The following SEPTIN7 variants were observed in gnomAD, a reference collection of about 807,000 sequenced individuals.
SEPTIN7 encodes the protein septin 7.
In SEPTIN7, 10 loss-of-function variants were observed where a neutral mutation model predicts 63.3. That is an observed-to-expected ratio of 0.16 (90% CI 0.10 to 0.27). SEPTIN7 has a LOEUF of 0.27. Among genes scored for constraint, SEPTIN7 ranks in the 10% least tolerant of loss-of-function variants. The probability of loss-of-function intolerance (pLI) is 1.00; values close to 1 mark genes in which losing one functional copy is unlikely to be tolerated. For synonymous variants in SEPTIN7, 131 were observed against 165.3 expected (o/e 0.79, Z 1.59); for missense variants, 310 against 521.0 (o/e 0.59, Z 3.94).
intron 12 of SEPTIN7, chr7:35,899,291 T>G (rs1176754354): frequency 6.6e-6 from 1 of 152,152 alleles, no homozygotes; most frequent in Non-Finnish European, 1.5e-5. Context: ...CGCCAGCACT[T>G]TGGGAGGCTG....
intron 9 of SEPTIN7, 75 bp from the exon 10 acceptor site, chr7:35,885,753 G>A (rs183108356): frequency 2.6e-6 from 3 of 1,156,616 alleles, no homozygotes; most frequent in African/African-American, 1.5e-5. Flanking sequence ...TACACCCCAA[G>A]TTCCTGTGAA....
chr7:35,891,648 C>CA (rs1787652408), intron 11 of SEPTIN7, among the ~76,000 whole-genome samples: 1 of 152,154 alleles, frequency 6.6e-6, no homozygotes, highest in Admixed American at 6.5e-5. Flanking sequence ...AGTGAGTGTG[C>CA]AGTGAGTGAA....
At chr7:35,902,784 A>G (rs1004961374) in intron 12 of SEPTIN7, 11 of 234,158 alleles carry the variant, frequency 4.7e-5, no homozygotes, top group Non-Finnish European at 7.3e-5. Context: ...TTAAAGAAAA[A>G]CGAGATAAGA....
chr7:35,845,032 T>C (rs1339493848), intron 3 of SEPTIN7, among the ~76,000 whole-genome samples: 1 of 152,062 alleles, frequency 6.6e-6, no homozygotes, highest in Non-Finnish European at 1.5e-5. Flanking sequence ...GAGACGACCC[T>C]GGGCAACAGA....
intron 10 of SEPTIN7, among the ~76,000 whole-genome samples, chr7:35,887,945 T>C (rs1787368336): frequency 6.6e-6 from 1 of 152,188 alleles, no homozygotes; most frequent in Non-Finnish European, 1.5e-5. Context: ...AATTGAAATC[T>C]TGCAGGTCAA....
intron 1 of SEPTIN7, among the ~76,000 whole-genome samples, chr7:35,806,414 GC>G (rs1164934608): frequency 1.3e-5 from 2 of 152,142 alleles, no homozygotes; most frequent in Non-Finnish European, 2.9e-5. Context: ...GTCAACCATG[GC>G]TTGGAGTTAA....
intron 3 of SEPTIN7, among the ~76,000 whole-genome samples, chr7:35,861,637 C>T (rs1438863945): frequency 2.0e-5 from 3 of 152,166 alleles, no homozygotes; most frequent in Non-Finnish European, 4.4e-5. Context: ...ATTGTATCTA[C>T]CCACTGTAAT....
At chr7:35,867,997 C>T (rs774019573) in intron 4 of SEPTIN7, among the ~76,000 whole-genome samples, 32 of 151,558 alleles carry the variant, frequency 2.1e-4, no homozygotes, top group African/African-American at 4.8e-4. Context: ...CTTAGCCTCC[C>T]GGGTAGCTGG....
chr7:35,846,345 ATAT>A (rs778155940), intron 3 of SEPTIN7, among the ~76,000 whole-genome samples: 1 of 152,180 alleles, frequency 6.6e-6, no homozygotes, highest in Non-Finnish European at 1.5e-5. Flanking sequence ...TATTGTTAAA[ATAT>A]TATTGCAGTG....
rs187389664 is a variant in SEPTIN7 at position 35,839,406 on chromosome 7, A to G, written c.169+6506A>G. ...AATGATTTGTTTTGTTTAATCTCAT[A>G]ATAATGCTGCAATAAAAATTTTACA... On this transcript the variant is annotated intron_variant, in intron 3 of 13. Coordinates refer to ENST00000350320, the MANE Select transcript of SEPTIN7 (RefSeq NM_001788.6). Among the ~76,000 whole-genome samples the G allele has an allele frequency of 4.0e-3, 611 of 152,338 alleles. 2 individuals carry two copies. Among genetic ancestry groups the G allele is most frequent in the Admixed American group, 7.0e-3 (107 of 15,308 alleles).
chr7:35,882,882 G>C (rs553993276), intron 8 of SEPTIN7, among the ~76,000 whole-genome samples: 12 of 151,902 alleles, frequency 7.9e-5, no homozygotes, highest in East Asian at 3.9e-4. Context: ...GAGAGAATTC[G>C]TTCTGTTATG....
rs551654009 is a variant in SEPTIN7, at chr7:35,863,578, T to C, written c.196T>C (p.Leu66=). 6.3e-7 allele frequency: 1 copy of C among 1,590,186 alleles called. No homozygotes were observed. Among genetic ancestry groups the C allele is most frequent in the South Asian group, 1.1e-5 (1 of 90,624 alleles). The change falls in exon 4 of 14, where the codon TTA becomes CTA. Residue 66 remains leucine, a synonymous_variant. Transcript: ENST00000350320. Reference sequence around the variant, plus strand: ...TGAATCTGGATTGGGAAAGTCGACATTAATCAACTCATTATTCCTCACAGA... The same window carrying C: ...TGAATCTGGATTGGGAAAGTCGACACTAATCAACTCATTATTCCTCACAGA... ...VGESGLGKST[L]INSLFLTDLY...
chr7:35,879,655 C>A, intron 6 of SEPTIN7, 168 bp from the exon 7 acceptor site: 1 of 554,856 alleles, frequency 1.8e-6, no homozygotes, highest in South Asian at 2.3e-5. Flanking sequence ...CACTCCAATG[C>A]TTCTTGAAGT....
rs1787742952 is a variant in SEPTIN7 at position 35,892,985 on chromosome 7, A to G, written c.998+2192A>G. On this transcript the variant is annotated intron_variant, in intron 11 of 13. Transcript: ENST00000350320. Reference sequence around the variant, plus strand: ...ACTGAACCTGAAAGAAATCGCTTAGAAGTTTTATCTATTAGTTGTATCTGA... The same window carrying G: ...ACTGAACCTGAAAGAAATCGCTTAGGAGTTTTATCTATTAGTTGTATCTGA... 4.6e-5 allele frequency among the ~76,000 whole-genome samples: 7 copies of G among 152,172 alleles called. No homozygotes were observed. In the South Asian group the frequency reaches 1.4e-3, roughly 32 times the overall value.
chr7:35,874,063 A>G (rs1236153412), intron 6 of SEPTIN7: 1 of 276,284 alleles, frequency 3.6e-6, no homozygotes, highest in South Asian at 7.7e-5. Flanking sequence ...TTTAGCTTTC[A>G]TGTTGACCAC....
At chr7:35,885,202 T>C (rs1001369480) in intron 9 of SEPTIN7, among the ~76,000 whole-genome samples, 1 of 152,172 alleles carries the variant, frequency 6.6e-6, no homozygotes, top group African/African-American at 2.4e-5. Flanking sequence ...GTAACTGTCC[T>C]TATTGGCAAT....
At position 35,904,317 on chromosome 7, in the gene SEPTIN7, C is replaced by T. The variant is rs369354103; in HGVS notation, c.*24C>T. On this transcript the variant is annotated 3_prime_UTR_variant, in exon 14 of 14. Coordinates refer to ENST00000350320, the MANE Select transcript of SEPTIN7 (RefSeq NM_001788.6). ...AAACTCTCTATTGACCACCAGTTAA[C>T]GTATTAGTTGCCAATATGCCAGCTT... The T allele has an allele frequency of 1.0e-5, 16 of 1,536,572 alleles. No individual in the cohort carries two copies. Among genetic ancestry groups the T allele is most frequent in the African/African-American group, 2.8e-5 (2 of 72,674 alleles).
At chr7:35,836,599 T>G (rs1375027603) in intron 3 of SEPTIN7, among the ~76,000 whole-genome samples, 8 of 152,174 alleles carry the variant, frequency 5.3e-5, no homozygotes, top group Non-Finnish European at 1.2e-4. Context: ...GGCCATTTTT[T>G]GGGATTCAGA....
At chr7:35,803,415 G>A (rs1391180811) in intron 1 of SEPTIN7, among the ~76,000 whole-genome samples, 1 of 152,166 alleles carries the variant, frequency 6.6e-6, no homozygotes, top group Non-Finnish European at 1.5e-5. Flanking sequence ...GAAGAGGGAG[G>A]AAGAAGAGTT....
Sources: allele counts gnomAD v4.1 joint callset (sites outside exome capture counted in the v4.1 genomes callset), GRCh38; gene constraint gnomAD v4.1.1; transcripts MANE v1.5; gene names NCBI Gene and HGNC (gene_info 2026-07-23, HGNC 2026-07-21).